The following SLC38A2 variants were observed in gnomAD, a reference collection of about 807,000 sequenced individuals.
The protein encoded by SLC38A2 is sodium-coupled neutral amino acid symporter 2.
SLC38A2 carries 11 observed loss-of-function variants against 61.5 expected under a neutral mutation model. The observed-to-expected ratio is 0.18, with a 90% confidence interval of 0.11 to 0.30. SLC38A2 has a LOEUF of 0.30. Among genes scored for constraint, SLC38A2 ranks in the 10% least tolerant of loss-of-function variants. The pLI, the probability that SLC38A2 is intolerant of heterozygous loss-of-function variation, is 1.00. For synonymous variants in SLC38A2, 217 were observed against 212.5 expected, an observed-to-expected ratio of 1.02 and a Z score of -0.18; for missense variants, 522 against 600.4, an observed-to-expected ratio of 0.87 and a Z score of 1.36.
At position 46,360,951 on chromosome 12, in the gene SLC38A2, CAA is replaced by C; in HGVS notation, c.*158_*159del. On this transcript the variant is annotated 3_prime_UTR_variant, in exon 16 of 16. Coordinates refer to ENST00000256689, the MANE Select transcript of SLC38A2 (RefSeq NM_018976.5). ...AGATAAGTTTCTTAAAAAAACAAAA[CAA>C]AACAAAAAAGTTCACTTATTCTGCA... The C allele has an allele frequency of 1.7e-6, 1 of 575,718 alleles. No individual in the cohort carries two copies. Among genetic ancestry groups the C allele is most frequent in the Non-Finnish European group, 3.0e-6 (1 of 331,972 alleles). 35.7% of individuals were successfully genotyped at this position (575,718 alleles called of 1,614,324 possible).
chr12:46,362,634 CG>C lies in SLC38A2; in HGVS notation c.1183del (p.Arg395GlyfsTer4). The C allele has an allele frequency of 6.4e-7, 1 of 1,556,228 alleles. No individual in the cohort carries two copies. The highest frequency in any genetic ancestry group is 8.6e-7 in the Non-Finnish European group (1 of 1,164,362). On this transcript the variant is annotated frameshift_variant, in exon 14 of 16. Transcript: ENST00000256689. LOFTEE classifies it high-confidence loss of function. ...LTVPVVIFPI[R>X]SSVTHLLCAS... Reference sequence around the variant, plus strand: ...ACACAACAAGTGAGTTACAGAACTCCGGATCTGCAAAAAAAATAAATAAAAT... The same window carrying C: ...ACACAACAAGTGAGTTACAGAACTCCGATCTGCAAAAAAAATAAATAAAAT...
Position 46,371,399 on chromosome 12 carries a change from G to C in SLC38A2, c.-86-20C>G. 3 of 867,354 alleles carry C rather than the reference G, an allele frequency of 3.5e-6. No individual in the cohort carries two copies. The highest frequency in any genetic ancestry group is 2.5e-5 in the East Asian group (1 of 39,722). The allele number at this position is 867,354 out of a possible 1,614,324, so 53.7% of individuals were successfully genotyped here. A position where few individuals can be genotyped will look rare whatever the true frequency, so the allele number is the denominator to read the frequency against. ...GTCGGCCTGCGAAAGTAGAGGCGGC[G>C]CGTCAGGACCGCAGCGCCAGCCCGC... On this transcript the variant is annotated intron_variant, in intron 1 of 15. Transcript: ENST00000256689.
chr12:46,362,978 TA>T (rs2120530860), intron 13 of SLC38A2, 42 bp downstream of exon 13: 1 of 1,608,606 alleles, frequency 6.2e-7, no homozygotes, highest in Admixed American at 1.7e-5. Flanking sequence ...TTCACATGTC[TA>T]AAAACTCCTT....
Position 46,358,830 on chromosome 12 carries a change from G to A in SLC38A2, c.*2281C>T, listed in dbSNP as rs777027165. On this transcript the variant is annotated 3_prime_UTR_variant, in exon 16 of 16. Transcript: ENST00000256689. ...TTACAGTTGTAACTGAAACATCCAC[G>A]GAAGACAGTAATGCAAAATGAGGTG... is the stretch of plus-strand genomic sequence containing the variant. The A allele has an allele frequency of 5.2e-5, 8 of 152,498 alleles. No homozygotes were observed. In the South Asian group the frequency reaches 6.2e-4, roughly 12 times the overall value. The allele number at this position is 152,498 out of a possible 1,614,324, so 9.4% of individuals were successfully genotyped here.
chr12:46,362,826 A>G (rs1374965944), intron 13 of SLC38A2, 188 bp from the exon 14 acceptor site: 2 of 940,064 alleles, frequency 2.1e-6, no homozygotes, highest in Admixed American at 3.2e-5. Flanking sequence ...AGATCATTTT[A>G]TATCTTATGG....
chr12:46,372,025 C>G (rs1243852549), intron 1 of SLC38A2, among the ~76,000 whole-genome samples: 3 of 152,226 alleles, frequency 2.0e-5, no homozygotes, highest in Admixed American at 2.0e-4. Context: ...TACGCCCGCC[C>G]AGCCCCTCCT....
At chr12:46,370,884 T>C (rs1237503340) in intron 2 of SLC38A2, 27 bp from the exon 3 acceptor site, 1 of 1,535,548 alleles carries the variant, frequency 6.5e-7, no homozygotes, top group Non-Finnish European at 8.9e-7. Flanking sequence ...CATATATAAT[T>C]GTAAACTGGA....
chr12:46,369,047 G>A (rs1443923986), intron 4 of SLC38A2, among the ~76,000 whole-genome samples: 1 of 152,164 alleles, frequency 6.6e-6, no homozygotes, highest in Admixed American at 6.5e-5. Context: ...GTAAATCAAT[G>A]ACATAAGCAC....
chr12:46,362,222 A>T, intron 15 of SLC38A2, 62 bp downstream of exon 15: 2 of 1,323,656 alleles, frequency 1.5e-6, no homozygotes, highest in Non-Finnish European at 2.1e-6. Context: ...GAATAAAATT[A>T]AAATCAGTTG....
Position 46,372,697 on chromosome 12 carries a change from G to A in SLC38A2, c.-275C>T, listed in dbSNP as rs1000144932. The A allele has an allele frequency of 2.5e-6, 1 of 398,536 alleles. No individual in the cohort carries two copies. Among genetic ancestry groups the A allele is most frequent in the Non-Finnish European group, 4.4e-6 (1 of 225,970 alleles). 24.7% of individuals were successfully genotyped at this position (398,536 alleles called of 1,614,324 possible). A position where few individuals can be genotyped will look rare whatever the true frequency, so the allele number is the denominator to read the frequency against. On this transcript the variant is annotated 5_prime_UTR_variant, in exon 1 of 16. Transcript: ENST00000256689. ...CCGCCGTGTCAAGGGAAAGGCGCGA[G>A]CGTGCGGTAACGCGTGGTCGGGCTG...
chr12:46,370,804 A>C lies in SLC38A2; in HGVS notation c.170T>G (p.Leu57Trp), dbSNP rs546397730. The change falls in exon 3 of 16, where the codon TTG becomes TGG. Residue 57 changes from leucine to tryptophan, a missense_variant. Physicochemically the swap from Leu to Trp is moderately conservative, Grantham distance 61. Around this residue, in one of 3 missense-constraint regions of SLC38A2, gnomAD observed 102 missense variants for 83.1 expected, o/e 1.23. Coordinates refer to ENST00000256689, the MANE Select transcript of SLC38A2 (RefSeq NM_018976.5). Reference protein sequence around the residue: ...ENQNFLLESNLGKKKYETEFH... With the variant: ...ENQNFLLESNWGKKKYETEFH... ...TTCTGTTTCATACTTCTTCTTCCCC[A>C]AATTCGATTCAAGTAAAAAGTTCTG... The C allele has an allele frequency of 3.1e-6, 5 of 1,613,210 alleles. No individual in the cohort carries two copies. In the East Asian group the frequency reaches 8.9e-5, roughly 29 times the overall value.
chr12:46,369,818 C>T (rs1011269093), intron 4 of SLC38A2, among the ~76,000 whole-genome samples: 3 of 152,170 alleles, frequency 2.0e-5, no homozygotes, highest in Non-Finnish European at 4.4e-5. Flanking sequence ...AGTCTATCCA[C>T]GTATTTATGC....
chr12:46,364,581 G>T, intron 9 of SLC38A2, 25 bp from the exon 10 acceptor site: 1 of 1,600,466 alleles, frequency 6.2e-7, no homozygotes, highest in South Asian at 1.1e-5. Flanking sequence ...TTTTGCATGT[G>T]TTAAACTAAG....
chr12:46,370,700 G>A lies in SLC38A2; in HGVS notation c.199-73C>T, dbSNP rs1351668013. 1.1e-5 allele frequency: 17 copies of A among 1,542,898 alleles called. No individual in the cohort carries two copies. In the Admixed American group the frequency reaches 2.1e-4, roughly 19 times the overall value. On this transcript the variant is annotated intron_variant, in intron 3 of 15. Coordinates refer to ENST00000256689, the MANE Select transcript of SLC38A2 (RefSeq NM_018976.5). ...GAGAAAACCAGCTTTGGGCAAGTTAGATTTGAATTCTAAAAGTAAAACTAT... is the reference window on the plus strand; with the variant it reads ...GAGAAAACCAGCTTTGGGCAAGTTAAATTTGAATTCTAAAAGTAAAACTAT...
chr12:46,369,755 G>C (rs1943175025), intron 4 of SLC38A2, among the ~76,000 whole-genome samples: 1 of 152,136 alleles, frequency 6.6e-6, no homozygotes, highest in Non-Finnish European at 1.5e-5. Context: ...CCAAGAGTCA[G>C]TGACGCAAAA....
At position 46,369,456 on chromosome 12, in the gene SLC38A2, A is replaced by G. The variant is rs117358746; in HGVS notation, c.314+1056T>C. ...CTGCTTTTCTTTTCATGAACATTCT[A>G]TCGTGCTGGAGAAAATAACTTGAGT... On this transcript the variant is annotated intron_variant, in intron 4 of 15. Transcript: ENST00000256689. Among the ~76,000 whole-genome samples, 637 of 152,320 alleles carry G rather than the reference A, an allele frequency of 4.2e-3. 12 individuals are homozygous for G. The East Asian group carries it at 0.054, about 13-fold the overall frequency.
intron 4 of SLC38A2, among the ~76,000 whole-genome samples, chr12:46,369,634 C>T (rs1229154493): frequency 2.0e-5 from 3 of 152,192 alleles, no homozygotes; most frequent in Non-Finnish European, 2.9e-5. Flanking sequence ...GGTACTTAAA[C>T]TTAAGGGCTA....
chr12:46,365,306 A>G (rs1385954327), intron 7 of SLC38A2, 117 bp from the exon 8 acceptor site: 1 of 857,312 alleles, frequency 1.2e-6, no homozygotes, highest in Non-Finnish European at 1.9e-6. Context: ...CAAAAAAGAC[A>G]TGTTTGGAAA....
rs190150142 is a variant in SLC38A2 at position 46,366,730 on chromosome 12, G to A, written c.563+134C>T. 1.9e-5 allele frequency: 15 copies of A among 775,954 alleles called. No individual in the cohort carries two copies. In the African/African-American group the frequency reaches 2.7e-4, roughly 14 times the overall value. The allele number at this position is 775,954 out of a possible 1,614,324, so 48.1% of individuals were successfully genotyped here. Reference sequence around the variant, plus strand: ...TTCGAATCAGTTTACGGGGATGGGGGGCCTTCTTGGTCAGTTTCAAAAGGA... The same window carrying A: ...TTCGAATCAGTTTACGGGGATGGGGAGCCTTCTTGGTCAGTTTCAAAAGGA... On this transcript the variant is annotated intron_variant, in intron 7 of 15. Coordinates refer to ENST00000256689, the MANE Select transcript of SLC38A2 (RefSeq NM_018976.5).
Sources: gnomAD v4.1 joint callset for allele counts (sites outside exome capture counted in the v4.1 genomes callset) on GRCh38, gnomAD v4.1.1 for gene constraint, gnomAD v4.1.1 regional missense constraint, MANE v1.5 for transcripts, NCBI Gene and HGNC (gene_info 2026-07-23, HGNC 2026-07-21) for gene names.